The following PMFBP1 variants were observed in gnomAD, a reference collection of about 807,000 sequenced individuals.
PMFBP1 encodes polyamine-modulated factor 1-binding protein 1.
A neutral mutation model predicts 137.8 loss-of-function variants in PMFBP1; 131 were observed. The observed-to-expected ratio is 0.95, with a 90% confidence interval of 0.82 to 1.10. The LOEUF (loss-of-function observed/expected upper bound fraction) is 1.10. Among genes scored for constraint, PMFBP1 ranks in the 50% least tolerant of loss-of-function variants. PMFBP1 has a pLI of 0.00. For synonymous variants in PMFBP1, 490 were observed against 450.4 expected, an observed-to-expected ratio of 1.09 and a Z score of -1.11; for missense variants, 1,199 against 1,175.4, an observed-to-expected ratio of 1.02 and a Z score of -0.29.
At chr16:72,163,561 G>C (rs2043095430) in intron 3 of PMFBP1, among the ~76,000 whole-genome samples, 1 of 152,228 alleles carries the variant, frequency 6.6e-6, no homozygotes, top group Non-Finnish European at 1.5e-5. Flanking sequence ...AAGGAACTGA[G>C]GGTCAAGTAG....
At chr16:72,234,037 G>C in the PMFBP1 span, among the ~76,000 whole-genome samples, 1 of 152,118 alleles carries the variant, frequency 6.6e-6, no homozygotes, top group Non-Finnish European at 1.5e-5. Context: ...TTTGCTATGA[G>C]GTTTCCTGTG....
At chr16:72,224,073 G>A in the PMFBP1 span, among the ~76,000 whole-genome samples, 1 of 152,206 alleles carries the variant, frequency 6.6e-6, no homozygotes, top group African/African-American at 2.4e-5. Flanking sequence ...GTTCTCTGAA[G>A]TGATAAAAAT....
chr16:72,166,680 A>G (rs1339262973), intron 2 of PMFBP1, among the ~76,000 whole-genome samples: 1 of 152,200 alleles, frequency 6.6e-6, no homozygotes, highest in Admixed American at 6.5e-5. Flanking sequence ...GCCTGCTCAT[A>G]CAGGAAACTC....
At chr16:72,131,689 C>T (rs930325097) in intron 10 of PMFBP1, among the ~76,000 whole-genome samples, 11 of 152,082 alleles carry the variant, frequency 7.2e-5, no homozygotes, top group East Asian at 3.9e-4. Context: ...GGGAGAAAGA[C>T]GGACCCGTGA....
At chr16:72,221,101 G>C in the PMFBP1 span, among the ~76,000 whole-genome samples, 2 of 152,042 alleles carry the variant, frequency 1.3e-5, no homozygotes, top group African/African-American at 2.4e-5. Flanking sequence ...AAGTCTGAAA[G>C]GTTAAGCAAA....
At chr16:72,152,644 A>G (rs2042918527) in intron 4 of PMFBP1, among the ~76,000 whole-genome samples, 1 of 152,108 alleles carries the variant, frequency 6.6e-6, no homozygotes, top group Non-Finnish European at 1.5e-5. Context: ...CAGGAGTTCA[A>G]GACCAGCCTG....
At chr16:72,186,134 T>C in the PMFBP1 span, among the ~76,000 whole-genome samples, 4 of 152,174 alleles carry the variant, frequency 2.6e-5, no homozygotes, top group Non-Finnish European at 5.9e-5. Context: ...CTTTCTTACA[T>C]AGACTACTCT....
At chr16:72,231,283 C>T in the PMFBP1 span, among the ~76,000 whole-genome samples, 1 of 152,140 alleles carries the variant, frequency 6.6e-6, no homozygotes, top group South Asian at 2.1e-4. Flanking sequence ...CAGTAACAAC[C>T]TTTTCTCCTC....
the PMFBP1 span, among the ~76,000 whole-genome samples, chr16:72,249,719 A>G: frequency 6.6e-6 from 1 of 151,318 alleles, no homozygotes; most frequent in African/African-American, 2.4e-5. Flanking sequence ...GATTGAGACC[A>G]TCCTGGCTGA....
At chr16:72,136,398 G>A in intron 9 of PMFBP1, 50 bp downstream of exon 9, 1 of 1,582,496 alleles carries the variant, frequency 6.3e-7, no homozygotes, top group Non-Finnish European at 8.6e-7. Context: ...GCCAGGACAT[G>A]GCCTCACACC....
intron 3 of PMFBP1, among the ~76,000 whole-genome samples, chr16:72,160,601 G>A (rs990936334): frequency 3.8e-4 from 58 of 151,770 alleles, no homozygotes; most frequent in African/African-American, 1.3e-3. Flanking sequence ...TTTAAGAACC[G>A]AAAAGTCTCA....
At chr16:72,155,705 A>G (rs12933482) in intron 3 of PMFBP1, among the ~76,000 whole-genome samples, 10,515 of 152,292 alleles carry the variant, frequency 0.069, 451 homozygotes, top group Non-Finnish European at 0.098. Context: ...AGATTTATTG[A>G]GGTATACTTT....
chr16:72,226,270 C>G, the PMFBP1 span, among the ~76,000 whole-genome samples: 1 of 152,138 alleles, frequency 6.6e-6, no homozygotes, highest in Middle Eastern at 3.2e-3. Context: ...TAGGTATTAT[C>G]TAGCCTTTCC....
the PMFBP1 span, among the ~76,000 whole-genome samples, chr16:72,188,118 A>G: frequency 1.3e-5 from 2 of 152,260 alleles, no homozygotes; most frequent in African/African-American, 2.4e-5. Context: ...TAATATAACA[A>G]TGGGTTAATA....
the PMFBP1 span, among the ~76,000 whole-genome samples, chr16:72,198,632 A>G: frequency 1.3e-5 from 2 of 152,098 alleles, no homozygotes; most frequent in Admixed American, 6.6e-5. Context: ...CTCCACTTTC[A>G]GTAGTAGTTT....
At chr16:72,128,942 C>CCA in intron 13 of PMFBP1, 124 bp downstream of exon 13, 2 of 1,509,710 alleles carry the variant, frequency 1.3e-6, no homozygotes, top group Admixed American at 4.0e-5. Context: ...CTGGCCTTTC[C>CCA]CACTGTCCCT....
At chr16:72,182,232 C>A in the PMFBP1 span, among the ~76,000 whole-genome samples, 2 of 152,160 alleles carry the variant, frequency 1.3e-5, no homozygotes, top group Non-Finnish European at 2.9e-5. Context: ...AGGTGGCTTA[C>A]ACCTGTAATC....
intron 10 of PMFBP1, among the ~76,000 whole-genome samples, chr16:72,131,135 G>C (rs1200853220): frequency 6.6e-6 from 1 of 152,218 alleles, no homozygotes; most frequent in Non-Finnish European, 1.5e-5. Context: ...AGATGGATGA[G>C]TGGAGGAACA....
At chr16:72,137,090 T>A (rs182866902) in intron 7 of PMFBP1, among the ~76,000 whole-genome samples, 1 of 152,336 alleles carries the variant, frequency 6.6e-6, no homozygotes, top group African/African-American at 2.4e-5. Context: ...AATTTGTCCA[T>A]TGTCTCCCAA....
Sources: gnomAD v4.1 joint callset for allele counts (sites outside exome capture counted in the v4.1 genomes callset) on GRCh38, gnomAD v4.1.1 for gene constraint, MANE v1.5 for transcripts, NCBI Gene and HGNC (gene_info 2026-07-23, HGNC 2026-07-21) for gene names.